CHAC2: variants seen among roughly 807,000 people sequenced by gnomAD.
CHAC2 encodes ChaC glutathione specific gamma-glutamylcyclotransferase 2.
Under a neutral mutation model 16.9 loss-of-function variants are expected in CHAC2, and 20 were observed. The ratio of observed to expected loss-of-function variants is 1.18; its 90% confidence interval spans 0.83 to 1.72. The LOEUF is 1.72. Among genes scored for constraint, CHAC2 ranks in the 40% most tolerant of loss-of-function variants. CHAC2 has a pLI of 0.00. For missense variants in CHAC2, 269 were observed against 222.2 expected (o/e 1.21, Z -1.34); for synonymous variants, 91 against 77.3 (o/e 1.18, Z -0.93).
At position 53,774,707 on chromosome 2, in the gene CHAC2, A is replaced by T; in HGVS notation, c.*182A>T. 2.0e-6 allele frequency: 1 copy of T among 495,600 alleles called. No homozygotes were observed. Among genetic ancestry groups the T allele is most frequent in the Non-Finnish European group, 3.4e-6 (1 of 293,026 alleles). 30.7% of individuals were successfully genotyped at this position (495,600 alleles called of 1,614,324 possible). A position where few individuals can be genotyped will look rare whatever the true frequency, so the allele number is the denominator to read the frequency against. ...GTGAAAGAAAAATTCAAATTTTAAT[A>T]ACATAAAGATTTCCTAACTTTATGT... On this transcript the variant is annotated 3_prime_UTR_variant, in exon 3 of 3. Coordinates refer to ENST00000295304, the MANE Select transcript of CHAC2 (RefSeq NM_001008708.4).
rs921682223 is a variant in CHAC2, at chr2:53,767,834, G to A, written c.-53G>A. The A allele has an allele frequency of 1.1e-5, 17 of 1,556,728 alleles. No individual in the cohort carries two copies. The Admixed American group carries it at 2.5e-4, about 23-fold the overall frequency. On this transcript the variant is annotated 5_prime_UTR_variant, in exon 1 of 3. Transcript: ENST00000295304. ...CTTACCGGAGGCTTCAGTCCCCGGC[G>A]GCGCGGCGACAGCTAGGGTTCACGG...
At position 53,767,829 on chromosome 2, in the gene CHAC2, C is replaced by A; in HGVS notation, c.-58C>A. ...ACTCGCTTACCGGAGGCTTCAGTCC[C>A]CGGCGGCGCGGCGACAGCTAGGGTT... On this transcript the variant is annotated 5_prime_UTR_variant, in exon 1 of 3. Transcript: ENST00000295304. The A allele has an allele frequency of 6.4e-7, 1 of 1,553,174 alleles. No individual in the cohort carries two copies. Among genetic ancestry groups the A allele is most frequent in the South Asian group, 1.2e-5 (1 of 84,808 alleles).
In CHAC2 at chr2:53,775,052, A is replaced by G. The variant is rs1674236552; in HGVS notation, c.*527A>G. 6.6e-6 allele frequency: 1 copy of G among 152,658 alleles called. No homozygotes were observed. The highest frequency in any genetic ancestry group is 2.1e-4 in the South Asian group (1 of 4,836). 9.5% of individuals were successfully genotyped at this position (152,658 alleles called of 1,614,324 possible). ...ATTAAATGAAATCTTTTGAGTTTTT[A>G]GCCAAAAATTGGCATTTTTAAAATA... is the stretch of plus-strand genomic sequence containing the variant. On this transcript the variant is annotated 3_prime_UTR_variant, in exon 3 of 3. Coordinates refer to ENST00000295304, the MANE Select transcript of CHAC2 (RefSeq NM_001008708.4).
chr2:53,768,937 G>T (rs988821060), intron 1 of CHAC2, among the ~76,000 whole-genome samples: 1 of 152,198 alleles, frequency 6.6e-6, no homozygotes, highest in Non-Finnish European at 1.5e-5. Context: ...AAAGTAGTTT[G>T]CACCTGCTCA....
At chr2:53,771,070 A>G (rs1395938507) in intron 1 of CHAC2, among the ~76,000 whole-genome samples, 2 of 152,156 alleles carry the variant, frequency 1.3e-5, no homozygotes, top group Non-Finnish European at 2.9e-5. Flanking sequence ...GCAAATTCTT[A>G]GACAGCTCCA....
chr2:53,774,700 T>C lies in CHAC2; in HGVS notation c.*175T>C. 2 of 507,922 alleles carry C rather than the reference T, an allele frequency of 3.9e-6. No homozygotes were observed. The highest frequency in any genetic ancestry group is 6.6e-6 in the Non-Finnish European group (2 of 302,714). The allele number at this position is 507,922 out of a possible 1,614,324, so 31.5% of individuals were successfully genotyped here. On this transcript the variant is annotated 3_prime_UTR_variant, in exon 3 of 3. Coordinates refer to ENST00000295304, the MANE Select transcript of CHAC2 (RefSeq NM_001008708.4). ...GGATACAGTGAAAGAAAAATTCAAA[T>C]TTTAATAACATAAAGATTTCCTAAC...
chr2:53,774,682 G>C lies in CHAC2; in HGVS notation c.*157G>C. ...CACATATTTAAAATATTGGGATACA[G>C]TGAAAGAAAAATTCAAATTTTAATA... On this transcript the variant is annotated 3_prime_UTR_variant, in exon 3 of 3. Transcript: ENST00000295304. 1.8e-6 allele frequency: 1 copy of C among 554,722 alleles called. No individual in the cohort carries two copies. Among genetic ancestry groups the C allele is most frequent in the Non-Finnish European group, 2.9e-6 (1 of 345,520 alleles). 34.4% of individuals were successfully genotyped at this position (554,722 alleles called of 1,614,324 possible). A position where few individuals can be genotyped will look rare whatever the true frequency, so the allele number is the denominator to read the frequency against.
At chr2:53,773,372 CTTTA>C (rs1674080888) in intron 2 of CHAC2, among the ~76,000 whole-genome samples, 1 of 150,602 alleles carries the variant, frequency 6.6e-6, no homozygotes, top group African/African-American at 2.5e-5. Flanking sequence ...TGCTTATTTC[CTTTA>C]TTGTTTAGTA....
chr2:53,770,134 CT>C (rs1260539085), intron 1 of CHAC2, among the ~76,000 whole-genome samples: 1 of 152,116 alleles, frequency 6.6e-6, no homozygotes, highest in Non-Finnish European at 1.5e-5. Context: ...GTAGCATCAT[CT>C]TAAAAAGAAA....
chr2:53,772,340 A>C (rs1394639368), intron 2 of CHAC2, among the ~76,000 whole-genome samples: 2 of 151,976 alleles, frequency 1.3e-5, no homozygotes, highest in Non-Finnish European at 2.9e-5. Flanking sequence ...ATGTCTGGCT[A>C]ATTTTTTGTA....
At chr2:53,770,924 G>C (rs1673858069) in intron 1 of CHAC2, among the ~76,000 whole-genome samples, 1 of 152,314 alleles carries the variant, frequency 6.6e-6, no homozygotes, top group Middle Eastern at 3.4e-3. Context: ...AGAAAGGTAA[G>C]AACACTTCAT....
At chr2:53,771,458 A>G (rs886874172) in intron 1 of CHAC2, among the ~76,000 whole-genome samples, 37 of 152,182 alleles carry the variant, frequency 2.4e-4, no homozygotes, top group Admixed American at 4.6e-4. Flanking sequence ...GGTTGCAGTG[A>G]GCCAAGATCG....
chr2:53,774,138 A>G lies in CHAC2; in HGVS notation c.172-4A>G. On this transcript the variant is annotated splice_polypyrimidine_tract_variant and splice_region_variant and intron_variant, in intron 2 of 2. Coordinates refer to ENST00000295304, the MANE Select transcript of CHAC2 (RefSeq NM_001008708.4). ...ACCAGTGTATTCTTTTCATTTTTCA[A>G]CAGGGATGTGTATGGGGTGTTGCTT... 1.9e-6 allele frequency: 3 copies of G among 1,581,286 alleles called. No individual in the cohort carries two copies. Among genetic ancestry groups the G allele is most frequent in the African/African-American group, 1.4e-5 (1 of 73,218 alleles).
intron 2 of CHAC2, 70 bp downstream of exon 2, chr2:53,772,012 T>C: frequency 1.1e-6 from 1 of 880,832 alleles, no homozygotes; most frequent in Non-Finnish European, 1.8e-6. Flanking sequence ...TGTTTCAATT[T>C]GATTAACAAT....
At position 53,773,326 on chromosome 2, in the gene CHAC2, G is replaced by GATATTGCAAGATA. The variant is rs1558575417; in HGVS notation, c.172-813_172-812insTTGCAAGATAATA. On this transcript the variant is annotated intron_variant, in intron 2 of 2. Transcript: ENST00000295304. ...AGATAAAATATCTTGCTGTGCCTAT[G>GATATTGCAAGATA]ATACAAAGAAATTATTCACAATGGA... Among the ~76,000 whole-genome samples the GATATTGCAAGATA allele has an allele frequency of 6.8e-3, 1,033 of 152,206 alleles. 12 individuals are homozygous for GATATTGCAAGATA. Among genetic ancestry groups the GATATTGCAAGATA allele is most frequent in the African/African-American group, 0.023 (961 of 41,512 alleles).
At chr2:53,773,586 G>A (rs1485991194) in intron 2 of CHAC2, among the ~76,000 whole-genome samples, 1 of 151,968 alleles carries the variant, frequency 6.6e-6, no homozygotes, top group East Asian at 2.0e-4. Context: ...GCCTGCCACT[G>A]TGCCTGACTA....
At chr2:53,772,276 G>C (rs1173017695) in intron 2 of CHAC2, among the ~76,000 whole-genome samples, 1 of 152,048 alleles carries the variant, frequency 6.6e-6, no homozygotes, top group East Asian at 1.9e-4. Context: ...CCGGGTTCAC[G>C]CCATTCTCCT....
At chr2:53,769,460 T>G (rs1053979486) in intron 1 of CHAC2, among the ~76,000 whole-genome samples, 1 of 152,250 alleles carries the variant, frequency 6.6e-6, no homozygotes. Context: ...ATGTACAGTG[T>G]GTTACAAAAC....
chr2:53,771,853 T>C, intron 1 of CHAC2, 54 bp from the exon 2 acceptor site: 4 of 956,116 alleles, frequency 4.2e-6, no homozygotes, highest in Non-Finnish European at 5.0e-6. Flanking sequence ...AATGCTCAGC[T>C]ACTTAATGAA....
Sources: allele counts gnomAD v4.1 joint callset (sites outside exome capture counted in the v4.1 genomes callset), GRCh38; gene constraint gnomAD v4.1.1; transcripts MANE v1.5; gene names NCBI Gene and HGNC (gene_info 2026-07-23, HGNC 2026-07-21).